PID1: variants seen among roughly 807,000 people sequenced by gnomAD.
The protein encoded by PID1 is PTB-containing, cubilin and LRP1-interacting protein.
In PID1, 10 loss-of-function variants were observed where a neutral mutation model predicts 19.1. The ratio of observed to expected loss-of-function variants is 0.52; its 90% CI spans 0.32 to 0.89. The LOEUF (loss-of-function observed/expected upper bound fraction) is 0.89, where lower values mean the gene tolerates loss of function less well. Ranked by LOEUF, PID1 falls within the 40% of genes least tolerant of loss-of-function variation. The probability of loss-of-function intolerance (pLI) is 0.03; values close to 1 mark genes in which losing one functional copy is unlikely to be tolerated. For synonymous variants in PID1, 130 were observed against 116.0 expected, an observed-to-expected ratio of 1.12 and a Z score of -0.78; for missense variants, 248 against 285.3, an observed-to-expected ratio of 0.87 and a Z score of 0.94.
chr2:229,124,680 A>C (rs1241300202), intron 2 of PID1, among the ~76,000 whole-genome samples: 3 of 152,202 alleles, frequency 2.0e-5, no homozygotes, highest in African/African-American at 7.2e-5. Flanking sequence ...TCAAAAAGAA[A>C]AAAAAAACTT....
chr2:229,145,017 T>A (rs2106184735), intron 2 of PID1, among the ~76,000 whole-genome samples: 1 of 151,710 alleles, frequency 6.6e-6, no homozygotes, highest in South Asian at 2.1e-4. Flanking sequence ...AAACAATAAA[T>A]TACACTACTC....
chr2:229,224,808 C>T (rs575520569), intron 1 of PID1, among the ~76,000 whole-genome samples: 1 of 142,948 alleles, frequency 7.0e-6, no homozygotes, highest in Non-Finnish European at 1.5e-5. Context: ...ATGTGGTATA[C>T]TTGACTGACT....
rs888801613 is a variant in PID1 at position 229,111,667 on chromosome 2, T to C, written c.177+44151A>G. 3.3e-5 allele frequency among the ~76,000 whole-genome samples: 5 copies of C among 152,156 alleles called. No homozygotes were observed. In the South Asian group the frequency reaches 6.2e-4, roughly 19 times the overall value. On this transcript the variant is annotated intron_variant, in intron 2 of 2. Transcript: ENST00000392055. ...ATACAAATTGAATATTCAGTGCCCC[T>C]GAAACAATAAAAACAATTCCAAAAT...
chr2:229,152,939 C>T (rs1011293217), intron 2 of PID1, among the ~76,000 whole-genome samples: 4 of 152,086 alleles, frequency 2.6e-5, no homozygotes, highest in Admixed American at 6.6e-5. Context: ...CGGAGGGTCC[C>T]GTGAGCTGGC....
intron 2 of PID1, among the ~76,000 whole-genome samples, chr2:229,139,155 G>GCA (rs1559252004): frequency 1.2e-4 from 13 of 112,760 alleles, no homozygotes; most frequent in South Asian, 7.1e-4. Context: ...GAAAGCAAGC[G>GCA]AGCGAGCAAG....
At chr2:229,183,003 T>C (rs1259642669) in intron 1 of PID1, among the ~76,000 whole-genome samples, 1 of 152,236 alleles carries the variant, frequency 6.6e-6, no homozygotes, top group East Asian at 1.9e-4. Flanking sequence ...TTTTCCAATG[T>C]GTTTGATGTT....
intron 1 of PID1, among the ~76,000 whole-genome samples, chr2:229,266,831 A>C (rs1690603042): frequency 6.6e-6 from 1 of 152,226 alleles, no homozygotes; most frequent in African/African-American, 2.4e-5. Context: ...CCACAAAAGC[A>C]GGTTACTAGT....
intron 2 of PID1, among the ~76,000 whole-genome samples, chr2:229,044,577 G>T (rs1482066901): frequency 6.6e-6 from 1 of 152,160 alleles, no homozygotes; most frequent in African/African-American, 2.4e-5. Flanking sequence ...ATCTAAGTTG[G>T]AAAGTCAAAC....
chr2:229,118,697 ATGTAT>A (rs1333417399), intron 2 of PID1, among the ~76,000 whole-genome samples: 1 of 152,198 alleles, frequency 6.6e-6, no homozygotes, highest in Non-Finnish European at 1.5e-5. Context: ...AATAATGCTG[ATGTAT>A]TGTTCTTGGG....
At chr2:229,062,252 G>A (rs182374464) in intron 2 of PID1, among the ~76,000 whole-genome samples, 3 of 151,970 alleles carry the variant, frequency 2.0e-5, no homozygotes, top group East Asian at 1.9e-4. Flanking sequence ...ATTATGTGGA[G>A]GTACATTCCT....
chr2:229,070,847 C>G (rs1454848184), intron 2 of PID1, among the ~76,000 whole-genome samples: 1 of 152,162 alleles, frequency 6.6e-6, no homozygotes, highest in Non-Finnish European at 1.5e-5. Context: ...TTCTTATCAG[C>G]TTACCCAGAT....
At chr2:229,203,311 T>C (rs1226030272) in intron 1 of PID1, among the ~76,000 whole-genome samples, 1 of 152,026 alleles carries the variant, frequency 6.6e-6, no homozygotes, top group Non-Finnish European at 1.5e-5. Context: ...GGGAAGGAAA[T>C]CCTTAAGCCA....
At chr2:229,206,921 T>G (rs2106245818) in intron 1 of PID1, among the ~76,000 whole-genome samples, 1 of 152,282 alleles carries the variant, frequency 6.6e-6, no homozygotes, top group East Asian at 1.9e-4. Context: ...TCAGTAGGTC[T>G]GGGGTGACGC....
chr2:229,230,630 T>C (rs1043439381), intron 1 of PID1, among the ~76,000 whole-genome samples: 5 of 152,228 alleles, frequency 3.3e-5, no homozygotes, highest in Non-Finnish European at 7.3e-5. Context: ...AAAAGAGGAA[T>C]TTACTGCCGC....
rs143619216 is a variant in PID1 at position 229,034,755 on chromosome 2, G to GTATATA, written c.178-8653_178-8648dup. Among the ~76,000 whole-genome samples the GTATATA allele has an allele frequency of 6.7e-5, 10 of 148,844 alleles. No homozygotes were observed. In the South Asian group the frequency reaches 2.1e-3, roughly 32 times the overall value. On this transcript the variant is annotated intron_variant, in intron 2 of 2. Coordinates refer to ENST00000392055, the MANE Select transcript of PID1 (RefSeq NM_001100818.2). ...TTTCTGACAGTGTCTCCTTTATTGT[G>GTATATA]TATATATATATATATATGTATAAGC... is the stretch of plus-strand genomic sequence containing the variant.
chr2:229,136,794 T>A (rs1008821882), intron 2 of PID1, among the ~76,000 whole-genome samples: 2 of 152,180 alleles, frequency 1.3e-5, no homozygotes, highest in Non-Finnish European at 2.9e-5. Flanking sequence ...TGAAATTCTC[T>A]GCCCTCCTTT....
chr2:229,025,769 G>A lies in PID1; in HGVS notation c.517C>T (p.Leu173Phe). Residue 173 changes from leucine to phenylalanine, a missense_variant, in exon 3 of 3, where the codon CTC becomes TTC. By Grantham distance (22) the Leu-to-Phe change is conservative. Coordinates refer to ENST00000392055, the MANE Select transcript of PID1 (RefSeq NM_001100818.2). ...GCGTGGGCCAGTTTCTTGGCCTCGAGCTTGCTCTCGCACTCCACGGCGTGG... is the reference window on the plus strand; with the variant it reads ...GCGTGGGCCAGTTTCTTGGCCTCGAACTTGCTCTCGCACTCCACGGCGTGG... ...DCHAVECESK[L>F]EAKKLAHAMM... The A allele has an allele frequency of 6.2e-7, 1 of 1,614,224 alleles. No homozygotes were observed. The highest frequency in any genetic ancestry group is 8.5e-7 in the Non-Finnish European group (1 of 1,180,018).
At position 229,250,294 on chromosome 2, in the gene PID1, C is replaced by CA. The variant is rs1344027129; in HGVS notation, c.30+20719dup. On this transcript the variant is annotated intron_variant, in intron 1 of 2. Coordinates refer to ENST00000392055, the MANE Select transcript of PID1 (RefSeq NM_001100818.2). ...TACTCAGATGCAATTTTTTTAATCA[C>CA]AAAAAAGAGTCTTTCTTTCTTAGGA... is the stretch of plus-strand genomic sequence containing the variant. Among the ~76,000 whole-genome samples, 15 of 152,164 alleles carry CA rather than the reference C, an allele frequency of 9.9e-5. No individual in the cohort carries two copies. The East Asian group carries it at 2.1e-3, about 22-fold the overall frequency.
intron 1 of PID1, among the ~76,000 whole-genome samples, chr2:229,206,019 T>G (rs995525972): frequency 6.6e-6 from 1 of 152,122 alleles, no homozygotes; most frequent in Non-Finnish European, 1.5e-5. Flanking sequence ...AATGAACGGC[T>G]TACACACCAA....
Sources: gnomAD v4.1 joint callset for allele counts (sites outside exome capture counted in the v4.1 genomes callset) on GRCh38, gnomAD v4.1.1 for gene constraint, MANE v1.5 for transcripts, NCBI Gene and HGNC (gene_info 2026-07-23, HGNC 2026-07-21) for gene names.